Variants in USP7 observed in about 807,000 individuals in gnomAD.
USP7 encodes the protein ubiquitin specific peptidase 7.
USP7 carries 9 observed loss-of-function variants against 162.9 expected under a neutral mutation model. The ratio of observed to expected loss-of-function variants is 0.06; its 90% CI spans 0.03 to 0.10. The LOEUF is 0.10. Ranked by LOEUF, USP7 falls within the 10% of genes least tolerant of loss-of-function variation. The pLI is 1.00. For missense variants in USP7, 715 were observed against 1,373.7 expected (o/e 0.52, Z 7.58); for synonymous variants, 562 against 475.9 (o/e 1.18, Z -2.35).
intron 1 of USP7, among the ~76,000 whole-genome samples, chr16:8,937,854 A>G (rs1898835706): frequency 6.6e-6 from 1 of 152,222 alleles, no homozygotes; most frequent in Non-Finnish European, 1.5e-5. Context: ...AGAATTGCTC[A>G]GGAGACCTGT....
chr16:8,942,669 T>G (rs1899102681), intron 1 of USP7, among the ~76,000 whole-genome samples: 1 of 152,082 alleles, frequency 6.6e-6, no homozygotes, highest in African/African-American at 2.4e-5. Flanking sequence ...CACCTCAAGC[T>G]CTTGAGCAGC....
intron 1 of USP7, among the ~76,000 whole-genome samples, chr16:8,961,249 T>C (rs187272482): frequency 1.3e-5 from 2 of 151,850 alleles, no homozygotes; most frequent in East Asian, 1.9e-4. Flanking sequence ...TCTCAGCAGT[T>C]TGGAAGGACG....
intron 10 of USP7, 142 bp from the exon 11 acceptor site, chr16:8,910,969 A>G (rs2141191090): frequency 1.4e-6 from 1 of 695,318 alleles, no homozygotes; most frequent in Non-Finnish European, 2.5e-6. Context: ...CCCTGTAGCC[A>G]AGACTGTAGG....
At position 8,929,313 on chromosome 16, in the gene USP7, G is replaced by C. The variant is rs1033136618; in HGVS notation, c.184+980C>G. 8.4e-6 allele frequency: 3 copies of C among 357,646 alleles called. No homozygotes were observed. In the Admixed American group the frequency reaches 1.1e-4, roughly 13 times the overall value. The allele number at this position is 357,646 out of a possible 1,614,324, so 22.2% of individuals were successfully genotyped here. A position where few individuals can be genotyped will look rare whatever the true frequency, so the allele number is the denominator to read the frequency against. ...ACCCACACCATTGCCCTCGTCTACG[G>C]TGGAAAGCGCACTCCACAGGTAACA... On this transcript the variant is annotated intron_variant, in intron 2 of 30. Transcript: ENST00000344836.
In USP7 at chr16:8,927,530, T is replaced by G. The variant is rs115622995; in HGVS notation, c.184+2763A>C. 6.5e-3 allele frequency among the ~76,000 whole-genome samples: 992 copies of G among 152,220 alleles called. 11 individuals carry two copies. The highest frequency in any genetic ancestry group is 0.023 in the African/African-American group (953 of 41,532). ...CATTCTAAATCTAGATCCATCTAGA[T>G]CTTCAGAGGCCGTATTTGCTCTAAA... On this transcript the variant is annotated intron_variant, in intron 2 of 30. Coordinates refer to ENST00000344836, the MANE Select transcript of USP7 (RefSeq NM_003470.3).
intron 12 of USP7, 142 bp from the exon 13 acceptor site, chr16:8,906,724 A>T: frequency 1.3e-6 from 1 of 763,794 alleles, no homozygotes; most frequent in South Asian, 1.9e-5. Flanking sequence ...TATGAAGTAC[A>T]TAACGTAATC....
Position 8,904,569 on chromosome 16 carries a change from C to A in USP7, c.1574-4G>T. 2 of 1,613,720 alleles carry A rather than the reference C, an allele frequency of 1.2e-6. No individual in the cohort carries two copies. Among genetic ancestry groups the A allele is most frequent in the Non-Finnish European group, 1.7e-6 (2 of 1,179,914 alleles). ...GTGACCGCCTGTAAAACTTCACCTG[C>A]AGGACAAAGGCATCCTCTTTGACCC... On this transcript the variant is annotated splice_polypyrimidine_tract_variant and splice_region_variant and intron_variant, in intron 14 of 30. Transcript: ENST00000344836.
intron 1 of USP7, among the ~76,000 whole-genome samples, chr16:8,938,376 G>C (rs537540069): frequency 1.4e-4 from 21 of 151,644 alleles, no homozygotes; most frequent in African/African-American, 4.8e-4. Flanking sequence ...AAATAATACA[G>C]TCAAGTCTTC....
At chr16:8,899,455 G>T in intron 22 of USP7, 149 bp downstream of exon 22, 1 of 1,042,198 alleles carries the variant, frequency 9.6e-7, no homozygotes, top group Non-Finnish European at 1.4e-6. Context: ...TCCCAAGGCA[G>T]AGAGCCTGAA....
In USP7 at chr16:8,930,274, G is replaced by C; in HGVS notation, c.184+19C>G. The C allele has an allele frequency of 5.6e-6, 9 of 1,595,114 alleles. No homozygotes were observed. Among genetic ancestry groups the C allele is most frequent in the Non-Finnish European group, 7.7e-6 (9 of 1,167,698 alleles). ...ACAAGTTTCCGCCCACTGCGAGGCG[G>C]TGAACCACAGGCACTTACCATCCTC... On this transcript the variant is annotated intron_variant, in intron 2 of 30. Coordinates refer to ENST00000344836, the MANE Select transcript of USP7 (RefSeq NM_003470.3).
intron 12 of USP7, 22 bp from the exon 13 acceptor site, chr16:8,906,604 GA>G: frequency 6.2e-7 from 1 of 1,604,652 alleles, no homozygotes; most frequent in South Asian, 1.1e-5. Context: ...CATTTTAAAA[GA>G]AATTCAGTAT....
intron 1 of USP7, among the ~76,000 whole-genome samples, chr16:8,933,274 T>C (rs1243349936): frequency 6.6e-6 from 1 of 152,100 alleles, no homozygotes; most frequent in Non-Finnish European, 1.5e-5. Flanking sequence ...CCAAGCACAG[T>C]GGCTCATGCC....
At chr16:8,946,123 AAG>A (rs1899263986) in intron 1 of USP7, among the ~76,000 whole-genome samples, 1 of 152,212 alleles carries the variant, frequency 6.6e-6, no homozygotes, top group Non-Finnish European at 1.5e-5. Flanking sequence ...CCTCCCCCAC[AAG>A]ACTCTCAACC....
At chr16:8,952,826 T>C (rs1899618798) in intron 1 of USP7, among the ~76,000 whole-genome samples, 1 of 151,460 alleles carries the variant, frequency 6.6e-6, no homozygotes, top group Non-Finnish European at 1.5e-5. Flanking sequence ...CTCCCGCCTG[T>C]GACCACACTC....
chr16:8,903,226 T>A (rs778913414), intron 16 of USP7, 42 bp downstream of exon 16: 4 of 1,586,764 alleles, frequency 2.5e-6, no homozygotes, highest in South Asian at 2.3e-5. Flanking sequence ...AAGGTGGACG[T>A]TGGGAGCCAC....
chr16:8,936,477 G>T, intron 1 of USP7: 1 of 1,203,210 alleles, frequency 8.3e-7, no homozygotes, highest in Non-Finnish European at 1.1e-6. Flanking sequence ...ACAATGTCTA[G>T]ATGTATAGCC....
At chr16:8,939,887 C>T (rs1398111270) in intron 1 of USP7, among the ~76,000 whole-genome samples, 3 of 152,198 alleles carry the variant, frequency 2.0e-5, no homozygotes, top group Admixed American at 2.0e-4. Context: ...ATCACGAGGT[C>T]AGGAGATTGA....
intron 26 of USP7, among the ~76,000 whole-genome samples, chr16:8,896,711 A>C (rs1567205528): frequency 6.6e-6 from 1 of 152,218 alleles, no homozygotes; most frequent in Non-Finnish European, 1.5e-5. Flanking sequence ...TAATGTTATC[A>C]GAAGATACAA....
intron 10 of USP7, among the ~76,000 whole-genome samples, chr16:8,914,239 T>C (rs1224424052): frequency 6.6e-6 from 1 of 152,032 alleles, no homozygotes; most frequent in Non-Finnish European, 1.5e-5. Context: ...CAGATAGCAC[T>C]ATACTCCCAC....
Sources: gnomAD v4.1 joint callset for allele counts (sites outside exome capture counted in the v4.1 genomes callset) on GRCh38, gnomAD v4.1.1 for gene constraint, MANE v1.5 for transcripts, NCBI Gene and HGNC (gene_info 2026-07-23, HGNC 2026-07-21) for gene names.